The following INTS9 variants were observed in gnomAD, a reference collection of about 807,000 sequenced individuals.
INTS9 encodes integrator complex subunit 9.
INTS9 carries 55 observed loss-of-function variants against 79.7 expected under a neutral mutation model. The observed-to-expected ratio is 0.69, with a 90% confidence interval of 0.56 to 0.86. The LOEUF (loss-of-function observed/expected upper bound fraction) is 0.86, where lower values mean the gene tolerates loss of function less well. Among genes scored for constraint, INTS9 ranks in the 40% least tolerant of loss-of-function variants. INTS9 has a pLI of 0.00. For missense variants in INTS9, 721 were observed against 831.5 expected (o/e 0.87, Z 1.64); for synonymous variants, 319 against 325.2 (o/e 0.98, Z 0.20).
chr8:28,845,095 C>T lies in INTS9; in HGVS notation c.261+1652G>A, dbSNP rs368953283. On this transcript the variant is annotated intron_variant, in intron 4 of 16. Transcript: ENST00000521022. ...TTACATATGTTCACTTAATGGAATC[C>T]AATAAAGATTACTCTATCTTTAAAA... 5.9e-5 allele frequency among the ~76,000 whole-genome samples: 9 copies of T among 152,264 alleles called. No individual in the cohort carries two copies. In the South Asian group the frequency reaches 1.9e-3, roughly 32 times the overall value.
Position 28,767,811 on chromosome 8 carries a change from G to GTC in INTS9, c.*334_*335insGA. The GTC allele has an allele frequency of 3.1e-6, 1 of 319,336 alleles. No individual in the cohort carries two copies. Among genetic ancestry groups the GTC allele is most frequent in the Non-Finnish European group, 6.0e-6 (1 of 167,842 alleles). 19.8% of individuals were successfully genotyped at this position (319,336 alleles called of 1,614,324 possible). On this transcript the variant is annotated 3_prime_UTR_variant, in exon 17 of 17. Transcript: ENST00000521022. ...ACCAAAGGCTGGCTCCCCTGGCCGA[G>GTC]GCCTGGGACTGATGCAAGACAGCCA...
At chr8:28,823,455 GTCACACTTTCC>G (rs1279234067) in intron 6 of INTS9, among the ~76,000 whole-genome samples, 4 of 152,108 alleles carry the variant, frequency 2.6e-5, no homozygotes. Context: ...CCCTTCCCTT[GTCACACTTTCC>G]CAATGTCCTG....
chr8:28,825,099 AAGGTTCTAC>A (rs1806074508), intron 6 of INTS9, among the ~76,000 whole-genome samples: 1 of 152,158 alleles, frequency 6.6e-6, no homozygotes, highest in South Asian at 2.1e-4. Context: ...GGAAAAACCC[AAGGTTCTAC>A]CTAGCTTTGA....
At chr8:28,816,407 G>GT (rs1219266503) in intron 6 of INTS9, among the ~76,000 whole-genome samples, 1 of 149,230 alleles carries the variant, frequency 6.7e-6, no homozygotes, top group African/African-American at 2.5e-5. Context: ...GCGGTGTTTG[G>GT]TTTTTTTGTT....
chr8:28,847,539 C>T (rs180920126), intron 3 of INTS9, among the ~76,000 whole-genome samples: 63 of 152,154 alleles, frequency 4.1e-4, no homozygotes, highest in Admixed American at 8.5e-4. Context: ...ACTGCCACCA[C>T]GAATGTAATG....
At chr8:28,786,474 G>A (rs1283520056) in intron 11 of INTS9, among the ~76,000 whole-genome samples, 1 of 151,786 alleles carries the variant, frequency 6.6e-6, no homozygotes, top group Non-Finnish European at 1.5e-5. Flanking sequence ...GTATTTTTTT[G>A]TAGAGACAGG....
chr8:28,785,291 C>A (rs2130916123), intron 11 of INTS9, among the ~76,000 whole-genome samples: 1 of 152,284 alleles, frequency 6.6e-6, no homozygotes, highest in Admixed American at 6.5e-5. Flanking sequence ...TGATCTAGTT[C>A]TTCATAACAT....
chr8:28,883,345 C>T (rs1461484363), intron 1 of INTS9, among the ~76,000 whole-genome samples: 2 of 152,204 alleles, frequency 1.3e-5, no homozygotes, highest in Admixed American at 6.5e-5. Context: ...CTTCCCACGT[C>T]TGCAATCACT....
intron 6 of INTS9, among the ~76,000 whole-genome samples, chr8:28,814,070 T>A (rs114683154): frequency 0.037 from 5,221 of 141,926 alleles, 158 homozygotes; most frequent in African/African-American, 0.084. Flanking sequence ...TTTCTTTTTT[T>A]AAAAAAAAAA....
At chr8:28,880,245 TC>T (rs2131371371) in intron 1 of INTS9, among the ~76,000 whole-genome samples, 2 of 140,570 alleles carry the variant, frequency 1.4e-5, no homozygotes, top group Non-Finnish European at 3.1e-5. Flanking sequence ...TCCCTCTCCC[TC>T]TCCCTCTCCC....
At chr8:28,859,717 G>A (rs1808352103) in intron 1 of INTS9, 154 bp from the exon 2 acceptor site, 1 of 803,576 alleles carries the variant, frequency 1.2e-6, no homozygotes. Flanking sequence ...TACTGCTTGG[G>A]GACTACTTTC....
chr8:28,810,026 A>G (rs756105230), intron 8 of INTS9: 2 of 152,260 alleles, frequency 1.3e-5, no homozygotes, highest in African/African-American at 2.4e-5. Flanking sequence ...CATCATGCAT[A>G]CCATAAATAT....
At chr8:28,885,079 T>A (rs945824398) in intron 1 of INTS9, among the ~76,000 whole-genome samples, 4 of 152,242 alleles carry the variant, frequency 2.6e-5, no homozygotes, top group Admixed American at 2.6e-4. Context: ...TGTCTTCCAC[T>A]GGGAGCAGTC....
chr8:28,855,766 T>G (rs1191743292), intron 2 of INTS9, among the ~76,000 whole-genome samples: 1 of 152,250 alleles, frequency 6.6e-6, no homozygotes, highest in East Asian at 1.9e-4. Flanking sequence ...GTATACAGAT[T>G]AGACACTGGT....
chr8:28,866,843 C>T (rs1393272127), intron 1 of INTS9, among the ~76,000 whole-genome samples: 1 of 151,906 alleles, frequency 6.6e-6, no homozygotes. Context: ...GGCATGGTGG[C>T]GGGAGCCTGT....
Position 28,859,457 on chromosome 8 carries a change from A to C in INTS9, c.116T>G (p.Leu39Arg). Reference protein sequence around the residue: ...GLDMTSTLNFLPLPLVQSPRL... With the variant: ...GLDMTSTLNFRPLPLVQSPRL... ...ATACCTTTGAACAAGTGGCAAAGGA[A>C]GGAAATTGAGGGTAGAAGTCATGTC... Residue 39 changes from leucine (L) to arginine (R), a missense_variant, in exon 2 of 17, where the codon CTT becomes CGT. This residue lies in a region of INTS9 where 291 missense variants were observed against 307.0 expected (regional missense o/e 0.95). Transcript: ENST00000521022. 1 of 1,614,166 alleles carries C rather than the reference A, an allele frequency of 6.2e-7. No homozygotes were observed. The highest frequency in any genetic ancestry group is 8.5e-7 in the Non-Finnish European group (1 of 1,179,998).
Position 28,769,925 on chromosome 8 carries a change from G to A in INTS9, c.1764C>T (p.Ser588=). Residue 588 remains serine, a synonymous_variant, in exon 16 of 17, where the codon TCC becomes TCT. Transcript: ENST00000521022. ...CKVLKPLLSG[S]IPVEQFVQTL... is the part of the protein sequence containing the mutation. ...TCTGCACGAACTGCTCCACAGGGATGGAACCGCTCAACAAAGGCTTCAGGA... is the reference window on the plus strand; with the variant it reads ...TCTGCACGAACTGCTCCACAGGGATAGAACCGCTCAACAAAGGCTTCAGGA... 1 of 1,614,224 alleles carries A rather than the reference G, an allele frequency of 6.2e-7. No individual in the cohort carries two copies. Among genetic ancestry groups the A allele is most frequent in the Non-Finnish European group, 8.5e-7 (1 of 1,180,032 alleles).
Position 28,840,750 on chromosome 8 carries a change from C to T in INTS9, c.262-2974G>A, listed in dbSNP as rs551744017. On this transcript the variant is annotated intron_variant, in intron 4 of 16. Coordinates refer to ENST00000521022, the MANE Select transcript of INTS9 (RefSeq NM_018250.4). ...AGGTGGGAACTGAACAATGAGAACA[C>T]ATGGACACAGGAAGGGGAACATCAC... Among the ~76,000 whole-genome samples the T allele has an allele frequency of 6.2e-5, 8 of 128,270 alleles. No homozygotes were observed. In the Admixed American group the frequency reaches 6.6e-4, roughly 11 times the overall value. 84.2% of individuals were successfully genotyped at this position (128,270 alleles called of 152,430 possible).
chr8:28,837,319 C>T (rs1806860819), intron 5 of INTS9, among the ~76,000 whole-genome samples: 1 of 152,202 alleles, frequency 6.6e-6, no homozygotes, highest in African/African-American at 2.4e-5. Flanking sequence ...CTCTGAAGCT[C>T]TCTGCCTTGC....
Sources: gnomAD v4.1 joint callset for allele counts (sites outside exome capture counted in the v4.1 genomes callset) on GRCh38, gnomAD v4.1.1 for gene constraint, gnomAD v4.1.1 regional missense constraint, MANE v1.5 for transcripts, NCBI Gene and HGNC (gene_info 2026-07-23, HGNC 2026-07-21) for gene names.